Variants in WDR86 observed in about 807,000 individuals in gnomAD.
The protein encoded by WDR86 is WD repeat-containing protein 86.
Under a neutral mutation model 36.5 loss-of-function variants are expected in WDR86, and 30 were observed. That is an observed-to-expected ratio of 0.82 (90% CI 0.61 to 1.11). The LOEUF (loss-of-function observed/expected upper bound fraction) is 1.11. Among genes scored for constraint, WDR86 ranks in the 50% most tolerant of loss-of-function variants. The pLI is 0.00. For missense variants in WDR86, 545 were observed against 561.2 expected (o/e 0.97, Z 0.29); for synonymous variants, 255 against 252.9 (o/e 1.01, Z -0.08).
Position 151,401,328 on chromosome 7 carries a change from A to G in WDR86, c.164-1087T>C, listed in dbSNP as rs1584784210. Among the ~76,000 whole-genome samples the G allele has an allele frequency of 6.6e-6, 1 of 152,226 alleles. No homozygotes were observed. The highest frequency in any genetic ancestry group is 1.5e-5 in the Non-Finnish European group (1 of 68,048). On this transcript the variant is annotated intron_variant, in intron 1 of 5. Transcript: ENST00000334493. The surrounding 1 kb of genome is among the most constrained non-coding windows in gnomAD (Gnocchi z 4.3). ...CAAGAACTGAGGTTTCACAGCAGCC[A>G]TCAACAGCAGGAGCAATCCAGGGGC...
At chr7:151,394,162 T>C (rs1018287931) in intron 3 of WDR86, among the ~76,000 whole-genome samples, 2 of 152,138 alleles carry the variant, frequency 1.3e-5, no homozygotes, top group Non-Finnish European at 2.9e-5. Context: ...CTCGCTGCAT[T>C]TGCTGATTTG....
At chr7:151,391,151 G>A (rs1326696239) in intron 3 of WDR86, among the ~76,000 whole-genome samples, 2 of 152,220 alleles carry the variant, frequency 1.3e-5, no homozygotes, top group Admixed American at 6.5e-5. Context: ...CTGTGGCGGC[G>A]ATGGCCCTCG....
chr7:151,374,917 G>T (rs1798139393), downstream of WDR86, among the ~76,000 whole-genome samples: 1 of 152,160 alleles, frequency 6.6e-6, no homozygotes, highest in African/African-American at 2.4e-5. Context: ...GGAGGCAGGG[G>T]GCTGGCTGTG....
downstream of WDR86, chr7:151,374,425 G>GC (rs1264864986): frequency 2.0e-5 from 16 of 786,132 alleles, no homozygotes; most frequent in African/African-American, 1.4e-4. Flanking sequence ...GCCACGTGAG[G>GC]CCCCATGCTC....
At chr7:151,384,561 C>T (rs10952308) in intron 4 of WDR86, among the ~76,000 whole-genome samples, 68,457 of 152,084 alleles carry the variant, frequency 0.45, 17,531 homozygotes, top group Non-Finnish European at 0.57. Flanking sequence ...CTAAGGATGA[C>T]GAAGAAGAGT....
chr7:151,385,231 G>T lies in WDR86; in HGVS notation c.727-8C>A. The T allele has an allele frequency of 6.2e-7, 1 of 1,610,438 alleles. No individual in the cohort carries two copies. ...CACGAGTCGGTTCACCAGCTGCGAG[G>T]AGGAGCAGGGAAGGTCGGCAGCTGG... On this transcript the variant is annotated splice_region_variant and splice_polypyrimidine_tract_variant and intron_variant, in intron 3 of 5. Coordinates refer to ENST00000334493, the MANE Select transcript of WDR86 (RefSeq NM_198285.3).
intron 1 of WDR86, among the ~76,000 whole-genome samples, chr7:151,407,503 G>T (rs971864750): frequency 5.9e-5 from 9 of 152,160 alleles, no homozygotes; most frequent in African/African-American, 2.2e-4. Context: ...AGGGGCTCCC[G>T]GGGCCAGCTG....
At chr7:151,384,202 C>T (rs961601130) in intron 4 of WDR86, among the ~76,000 whole-genome samples, 7 of 152,208 alleles carry the variant, frequency 4.6e-5, no homozygotes, top group African/African-American at 1.7e-4. Flanking sequence ...CCAAATGGCC[C>T]GAGAGTGTGA....
At chr7:151,379,034 C>T (rs544490777), downstream of WDR86, among the ~76,000 whole-genome samples, 12 of 152,204 alleles carry the variant, frequency 7.9e-5, no homozygotes, top group South Asian at 4.2e-4. Context: ...GGGGGCAGGA[C>T]GGTGCTGAGG....
At chr7:151,376,577 G>T, downstream of WDR86, 2 of 1,496,070 alleles carry the variant, frequency 1.3e-6, no homozygotes, top group Non-Finnish European at 1.8e-6. Flanking sequence ...TATGGCTGAC[G>T]GGGGTGGCAG....
rs1167313083 is a variant in WDR86, at chr7:151,381,351, G to A, written c.*231C>T. 2.6e-5 allele frequency: 36 copies of A among 1,408,134 alleles called. No individual in the cohort carries two copies. The highest frequency in any genetic ancestry group is 3.2e-5 in the Non-Finnish European group (35 of 1,090,606). The allele number at this position is 1,408,134 out of a possible 1,614,324, so 87.2% of individuals were successfully genotyped here. ...GGTCAGGGATGGGGAGGGAGGACAG[G>A]AGCCACCCTAAAAGGGAAAAGGGGG... is the stretch of plus-strand genomic sequence containing the variant. On this transcript the variant is annotated 3_prime_UTR_variant, in exon 6 of 6. Coordinates refer to ENST00000334493, the MANE Select transcript of WDR86 (RefSeq NM_198285.3). This position sits in a 1 kb window ranked among gnomAD's most constrained non-coding sequence, Gnocchi z 4.8.
chr7:151,392,907 A>C (rs1799536156), intron 3 of WDR86, among the ~76,000 whole-genome samples: 1 of 151,208 alleles, frequency 6.6e-6, no homozygotes, highest in African/African-American at 2.4e-5. Context: ...AGAGCCCCCC[A>C]TTCTTCAGTC....
At chr7:151,372,722 G>A (rs1157378533), downstream of WDR86, among the ~76,000 whole-genome samples, 2 of 152,124 alleles carry the variant, frequency 1.3e-5, no homozygotes, top group Non-Finnish European at 2.9e-5. Context: ...GTGGGGAGGT[G>A]GTCAGGAGCT....
chr7:151,372,385 C>T (rs1487775403), downstream of WDR86, among the ~76,000 whole-genome samples: 2 of 152,182 alleles, frequency 1.3e-5, no homozygotes, highest in Non-Finnish European at 2.9e-5. Flanking sequence ...AAGTATTCTT[C>T]GAAGCTCCCA....
At chr7:151,394,464 G>C (rs1173816362) in intron 3 of WDR86, among the ~76,000 whole-genome samples, 1 of 152,176 alleles carries the variant, frequency 6.6e-6, no homozygotes, top group African/African-American at 2.4e-5. Context: ...CTGCGGCTTC[G>C]CTGAGCATCA....
rs1210963311 is a variant in WDR86 at position 151,381,734 on chromosome 7, C to A, written c.979G>T (p.Val327Leu). Residue 327 changes from valine (V) to leucine (L), a missense_variant, in exon 6 of 6, where the codon GTG becomes TTG. Transcript: ENST00000334493. This position sits in a 1 kb window ranked among gnomAD's most constrained non-coding sequence, Gnocchi z 4.8. The stretch of plus-strand genomic sequence containing the variant: ...CCGTCGTGCGAGGCGGTGTAGAGCA[C>A]CTGGCCGTGCACCTGCGGGCGCAGG... ...IINCIQVHGQ[V>L]LYTASHDGAL... is the part of the protein sequence containing the mutation. 4.6e-6 allele frequency: 7 copies of A among 1,516,044 alleles called. No individual in the cohort carries two copies. The Admixed American group carries it at 1.5e-4, about 33-fold the overall frequency. The allele number at this position is 1,516,044 out of a possible 1,614,324, so 93.9% of individuals were successfully genotyped here.
At chr7:151,392,377 C>T (rs1799500203) in intron 3 of WDR86, among the ~76,000 whole-genome samples, 1 of 152,166 alleles carries the variant, frequency 6.6e-6, no homozygotes. Context: ...ACAGGAACCT[C>T]CCTCCCTGAA....
chr7:151,406,459 C>T lies in WDR86; in HGVS notation c.163+2968G>A, dbSNP rs1563068715. 6.6e-6 allele frequency among the ~76,000 whole-genome samples: 1 copy of T among 152,190 alleles called. No homozygotes were observed. Among genetic ancestry groups the T allele is most frequent in the Non-Finnish European group, 1.5e-5 (1 of 68,038 alleles). On this transcript the variant is annotated intron_variant, in intron 1 of 5. Transcript: ENST00000334493. This position sits in a 1 kb window ranked among gnomAD's most constrained non-coding sequence, Gnocchi z 4.4. ...CTCGAGAAATCCAGGACCGGCCAAC[C>T]ACAGGCTCTTGTGGGCCCAGAGCTG...
rs1276099188 is a variant in WDR86, at chr7:151,390,420, G to A, written c.727-5197C>T. Among the ~76,000 whole-genome samples the A allele has an allele frequency of 6.6e-6, 1 of 152,184 alleles. No homozygotes were observed. Among genetic ancestry groups the A allele is most frequent in the Non-Finnish European group, 1.5e-5 (1 of 68,040 alleles). Reference sequence around the variant, plus strand: ...GCCTCCGGAAGTTGCACAGCGTCCTGACGCTGTGGGCAGAGGGGATGGTAC... The same window carrying A: ...GCCTCCGGAAGTTGCACAGCGTCCTAACGCTGTGGGCAGAGGGGATGGTAC... On this transcript the variant is annotated intron_variant, in intron 3 of 5. Transcript: ENST00000334493. This position sits in a 1 kb window ranked among gnomAD's most constrained non-coding sequence, Gnocchi z 4.5.
Sources: gnomAD v4.1 joint callset for allele counts (sites outside exome capture counted in the v4.1 genomes callset) on GRCh38, gnomAD v4.1.1 for gene constraint, Gnocchi (gnomAD v3.1) non-coding constraint, MANE v1.5 for transcripts, NCBI Gene and HGNC (gene_info 2026-07-23, HGNC 2026-07-21) for gene names.